Variants in CCDC171 observed in about 807,000 individuals in gnomAD.
The protein encoded by CCDC171 is coiled-coil domain-containing protein 171.
Under a neutral mutation model 168.2 loss-of-function variants are expected in CCDC171, and 177 were observed. The observed-to-expected ratio is 1.05, with a 90% CI of 0.93 to 1.19. The LOEUF (loss-of-function observed/expected upper bound fraction) is 1.19. Ranked by LOEUF, CCDC171 falls within the 50% of genes most tolerant of loss-of-function variation. The pLI is 0.00. For synonymous variants in CCDC171, 687 were observed against 540.8 expected (o/e 1.27, Z -3.75); for missense variants, 1,991 against 1,539.0 (o/e 1.29, Z -4.91).
intron 6 of CCDC171, among the ~76,000 whole-genome samples, chr9:15,612,166 TG>T (rs2043746912): frequency 6.6e-6 from 1 of 152,224 alleles, no homozygotes; most frequent in South Asian, 2.1e-4. Context: ...GCCTAGTTTA[TG>T]GTATATCTTG....
intron 7 of CCDC171, among the ~76,000 whole-genome samples, chr9:15,625,851 G>A (rs1214533399): frequency 6.6e-6 from 1 of 152,132 alleles, no homozygotes; most frequent in Non-Finnish European, 1.5e-5. Context: ...CCAATTCTGT[G>A]AAGAAAGTCA....
At chr9:15,560,790 C>G (rs187262989) in intron 1 of CCDC171, among the ~76,000 whole-genome samples, 1 of 152,220 alleles carries the variant, frequency 6.6e-6, no homozygotes, top group Admixed American at 6.5e-5. Context: ...GAGCTGCGTT[C>G]TTTTGGAGGG....
At chr9:15,990,533 C>T (rs562945307) in intron 3 of CCDC171, among the ~76,000 whole-genome samples, 1 of 152,200 alleles carries the variant, frequency 6.6e-6, no homozygotes, top group Admixed American at 6.5e-5. Context: ...AGCAAAATGA[C>T]CAGCTAACAT....
chr9:15,983,860 G>A (rs1165216334), intron 3 of CCDC171, among the ~76,000 whole-genome samples: 2 of 146,566 alleles, frequency 1.4e-5, no homozygotes, highest in South Asian at 2.2e-4. Context: ...GTGTGTGTTG[G>A]CATTTGGAAA....
intron 7 of CCDC171, among the ~76,000 whole-genome samples, chr9:15,647,462 G>T (rs964026174): frequency 4.6e-5 from 7 of 152,002 alleles, no homozygotes; most frequent in Non-Finnish European, 8.8e-5. Flanking sequence ...TTAGCAGCTG[G>T]TTTTTTTAAA....
At chr9:15,934,975 A>T (rs1006334632) in intron 25 of CCDC171, among the ~76,000 whole-genome samples, 1 of 152,108 alleles carries the variant, frequency 6.6e-6, no homozygotes, top group Non-Finnish European at 1.5e-5. Context: ...GAGACAAGAA[A>T]GCACATTAGT....
At chr9:15,689,126 A>G (rs1227210741) in intron 10 of CCDC171, among the ~76,000 whole-genome samples, 1 of 152,238 alleles carries the variant, frequency 6.6e-6, no homozygotes, top group Non-Finnish European at 1.5e-5. Flanking sequence ...AAAATAATAA[A>G]GAATATAATA....
At chr9:15,623,523 G>C (rs1224321360) in intron 7 of CCDC171, 110 bp downstream of exon 7, 4 of 452,308 alleles carry the variant, frequency 8.8e-6, no homozygotes, top group Non-Finnish European at 1.4e-5. Flanking sequence ...CCCATTCCGT[G>C]ATTTAAGATT....
At chr9:15,691,541 G>GAGA (rs751195968) in intron 10 of CCDC171, among the ~76,000 whole-genome samples, 13 of 114,836 alleles carry the variant, frequency 1.1e-4, no homozygotes, top group South Asian at 5.8e-4. Flanking sequence ...GTAAATATAT[G>GAGA]TTTTTTATAT....
rs74554490 is a variant in CCDC171 at position 15,553,117 on chromosome 9, C to A, written c.-297C>A. On this transcript the variant is annotated 5_prime_UTR_variant, in exon 1 of 26. Coordinates refer to ENST00000380701, the MANE Select transcript of CCDC171 (RefSeq NM_173550.4). ...AGTGGCAGTTGTAAACTTCACCTCC[C>A]GGGGGCTCTTCCCCTTCTGTACCCC... The A allele has an allele frequency of 6.6e-6, 1 of 152,498 alleles. No homozygotes were observed. Among genetic ancestry groups the A allele is most frequent in the Non-Finnish European group, 1.5e-5 (1 of 68,320 alleles). 9.4% of individuals were successfully genotyped at this position (152,498 alleles called of 1,614,324 possible). A position where few individuals can be genotyped will look rare whatever the true frequency, so the allele number is the denominator to read the frequency against.
intron 2 of CCDC171, among the ~76,000 whole-genome samples, chr9:15,571,082 G>A (rs1317045999): frequency 3.3e-5 from 5 of 152,134 alleles, no homozygotes; most frequent in Non-Finnish European, 7.4e-5. Context: ...GGGGTTATCA[G>A]TTACCACTTG....
At chr9:15,729,462 ATTTC>A (rs1263932496) in intron 15 of CCDC171, 144 bp from the exon 16 acceptor site, 2 of 480,464 alleles carry the variant, frequency 4.2e-6, no homozygotes, top group South Asian at 8.7e-5. Context: ...CTTTTTTTAA[ATTTC>A]TTTATTTACA....
chr9:16,107,546 G>T, the CCDC171 span, among the ~76,000 whole-genome samples: 1 of 151,840 alleles, frequency 6.6e-6, no homozygotes, highest in African/African-American at 2.4e-5. Flanking sequence ...AAATGTGTGT[G>T]TGTATCACAC....
At chr9:15,917,990 A>G (rs1183794990) in intron 24 of CCDC171, among the ~76,000 whole-genome samples, 1 of 151,756 alleles carries the variant, frequency 6.6e-6, no homozygotes, top group Non-Finnish European at 1.5e-5. Flanking sequence ...ACTACAATGA[A>G]ATTCAATAGT....
At chr9:15,975,966 G>T (rs773337635), downstream of CCDC171, among the ~76,000 whole-genome samples, 1 of 152,134 alleles carries the variant, frequency 6.6e-6, no homozygotes, top group Admixed American at 6.6e-5. Context: ...AGGTGCAGGG[G>T]TTAGTTTGAC....
intron 6 of CCDC171, among the ~76,000 whole-genome samples, chr9:15,607,955 G>T (rs1420505411): frequency 6.6e-6 from 1 of 152,150 alleles, no homozygotes; most frequent in Admixed American, 6.5e-5. Flanking sequence ...TATTCTTGCA[G>T]TTCTGGAGGC....
At chr9:16,070,974 A>G in the CCDC171 span, among the ~76,000 whole-genome samples, 7 of 152,302 alleles carry the variant, frequency 4.6e-5, no homozygotes, top group East Asian at 1.9e-4. Context: ...CTGTGAGCCA[A>G]TGGGGTCCAA....
intron 10 of CCDC171, among the ~76,000 whole-genome samples, chr9:15,685,989 C>G (rs1427672168): frequency 1.3e-5 from 2 of 152,040 alleles, no homozygotes; most frequent in African/African-American, 2.4e-5. Flanking sequence ...AAAAATTTTA[C>G]ACTATTCAAT....
At chr9:16,105,105 C>T in the CCDC171 span, among the ~76,000 whole-genome samples, 1 of 152,174 alleles carries the variant, frequency 6.6e-6, no homozygotes, top group Non-Finnish European at 1.5e-5. Context: ...ATTCTTTTAG[C>T]AGAAGTCAAG....
Sources: allele counts gnomAD v4.1 joint callset (sites outside exome capture counted in the v4.1 genomes callset), GRCh38; gene constraint gnomAD v4.1.1; transcripts MANE v1.5; gene names NCBI Gene and HGNC (gene_info 2026-07-23, HGNC 2026-07-21).